CADM2: variants seen among roughly 807,000 people sequenced by gnomAD.
CADM2 encodes cell adhesion molecule 2, also known as immunoglobulin superfamily member 4D.
Under a neutral mutation model 49.8 loss-of-function variants are expected in CADM2, and 12 were observed. The ratio of observed to expected loss-of-function variants is 0.24; its 90% CI spans 0.15 to 0.39. The LOEUF (loss-of-function observed/expected upper bound fraction) is 0.39, where lower values mean the gene tolerates loss of function less well. Among genes scored for constraint, CADM2 ranks in the 10% least tolerant of loss-of-function variants. The pLI, the probability that CADM2 is intolerant of heterozygous loss-of-function variation, is 1.00. For missense variants in CADM2, 378 were observed against 492.3 expected (o/e 0.77, Z 2.20); for synonymous variants, 214 against 175.4 (o/e 1.22, Z -1.74).
intron 1 of CADM2, among the ~76,000 whole-genome samples, chr3:85,084,608 A>T (rs1328242601): frequency 1.3e-5 from 2 of 152,308 alleles, no homozygotes; most frequent in Admixed American, 1.3e-4. Context: ...CACTGATTAC[A>T]TGGTGAAATG....
intron 1 of CADM2, among the ~76,000 whole-genome samples, chr3:85,154,001 GA>G (rs2040017741): frequency 6.6e-6 from 1 of 152,150 alleles, no homozygotes; most frequent in Non-Finnish European, 1.5e-5. Flanking sequence ...AAACAGAGCA[GA>G]AAAACTGGAA....
At chr3:85,911,123 GT>G (rs1717527496) in intron 5 of CADM2, among the ~76,000 whole-genome samples, 1 of 152,050 alleles carries the variant, frequency 6.6e-6, no homozygotes, top group Non-Finnish European at 1.5e-5. Context: ...CAATATCAAT[GT>G]TTATTTGATA....
chr3:85,819,810 ACAAAAC>A, intron 3 of CADM2, among the ~76,000 whole-genome samples: 1 of 152,248 alleles, frequency 6.6e-6, no homozygotes, highest in African/African-American at 2.4e-5. Context: ...TTATCAGAGG[ACAAAAC>A]AGGCAAAACT....
At chr3:85,402,067 T>G (rs1328460945) in intron 1 of CADM2, among the ~76,000 whole-genome samples, 2 of 152,148 alleles carry the variant, frequency 1.3e-5, no homozygotes, top group East Asian at 3.8e-4. Context: ...TATTTCTACA[T>G]TTTTGGATCT....
At chr3:85,790,935 G>A (rs2071285142) in intron 2 of CADM2, among the ~76,000 whole-genome samples, 1 of 152,156 alleles carries the variant, frequency 6.6e-6, no homozygotes, top group South Asian at 2.1e-4. Flanking sequence ...ACAGAAGGTG[G>A]ATACCAGGTG....
rs371007961 is a variant in CADM2, at chr3:85,271,540, G to A, written c.61+311872G>A. Among the ~76,000 whole-genome samples the A allele has an allele frequency of 7.3e-5, 11 of 151,130 alleles. No individual in the cohort carries two copies. The East Asian group carries it at 1.8e-3, about 24-fold the overall frequency. On this transcript the variant is annotated intron_variant, in intron 1 of 9. Coordinates refer to ENST00000383699, the MANE Select transcript of CADM2 (RefSeq NM_001167675.2). ...TATAGAAACAGAATTAGAGACACAC[G>A]GAGCATAAGTGAGTTGCCTAAGGTC...
intron 7 of CADM2, among the ~76,000 whole-genome samples, chr3:85,941,572 T>G (rs568572137): frequency 1.4e-4 from 21 of 152,100 alleles, no homozygotes; most frequent in Admixed American, 8.5e-4. Context: ...AACGAGACAC[T>G]GGAAAATCCT....
intron 1 of CADM2, among the ~76,000 whole-genome samples, chr3:85,477,942 G>A (rs750080703): frequency 6.6e-6 from 1 of 151,690 alleles, no homozygotes; most frequent in Non-Finnish European, 1.5e-5. Flanking sequence ...ACATGTTGTT[G>A]GAAACTCACT....
At chr3:85,320,525 C>A (rs2044572352) in intron 1 of CADM2, among the ~76,000 whole-genome samples, 1 of 152,084 alleles carries the variant, frequency 6.6e-6, no homozygotes, top group Non-Finnish European at 1.5e-5. Flanking sequence ...CCCCTGACAT[C>A]AGTTTGGTTC....
intron 3 of CADM2, among the ~76,000 whole-genome samples, chr3:85,824,353 A>G (rs2073781356): frequency 6.6e-6 from 1 of 152,142 alleles, no homozygotes; most frequent in Admixed American, 6.6e-5. Flanking sequence ...TGGGAGCTTA[A>G]AATGGAAAAC....
chr3:85,031,456 T>C (rs1167378357), intron 1 of CADM2, among the ~76,000 whole-genome samples: 1 of 152,218 alleles, frequency 6.6e-6, no homozygotes, highest in African/African-American at 2.4e-5. Context: ...AACTGTGTTC[T>C]GTGTTCCCCT....
chr3:85,434,585 C>T (rs1441437913), intron 1 of CADM2, among the ~76,000 whole-genome samples: 3 of 151,962 alleles, frequency 2.0e-5, no homozygotes, highest in Non-Finnish European at 4.4e-5. Flanking sequence ...TTATTGACTG[C>T]CCAAATTATA....
In CADM2 at chr3:85,785,194, G is replaced by A. The variant is rs1577307238; in HGVS notation, c.89-16853G>A. Among the ~76,000 whole-genome samples the A allele has an allele frequency of 2.6e-5, 4 of 151,828 alleles. No individual in the cohort carries two copies. The South Asian group carries it at 8.3e-4, about 31-fold the overall frequency. Reference sequence around the variant, plus strand: ...TTCTGTTTTCCTCAATCTGGCTAAAGGTTGGTCAATTTTATCTTTTCAAAA... The same window carrying A: ...TTCTGTTTTCCTCAATCTGGCTAAAAGTTGGTCAATTTTATCTTTTCAAAA... On this transcript the variant is annotated intron_variant, in intron 2 of 9. Transcript: ENST00000383699.
chr3:85,106,045 G>A (rs1214536205), intron 1 of CADM2, among the ~76,000 whole-genome samples: 1 of 151,962 alleles, frequency 6.6e-6, no homozygotes, highest in Non-Finnish European at 1.5e-5. Context: ...GTATACATAT[G>A]TAACAAACCT....
chr3:85,654,689 T>C (rs1315303008), intron 1 of CADM2, among the ~76,000 whole-genome samples: 1 of 152,168 alleles, frequency 6.6e-6, no homozygotes, highest in African/African-American at 2.4e-5. Flanking sequence ...TAAAATTGGA[T>C]AGCCTCTAAT....
chr3:85,653,985 A>G (rs1333997489), intron 1 of CADM2, among the ~76,000 whole-genome samples: 4 of 152,248 alleles, frequency 2.6e-5, no homozygotes, highest in African/African-American at 9.6e-5. Context: ...TAAAATACGG[A>G]CTGTGAATTG....
chr3:85,100,306 G>A (rs1055688129), intron 1 of CADM2, among the ~76,000 whole-genome samples: 1 of 152,018 alleles, frequency 6.6e-6, no homozygotes, highest in South Asian at 2.1e-4. Context: ...ATCGGTTGTG[G>A]GTTGCCAAGT....
intron 1 of CADM2, among the ~76,000 whole-genome samples, chr3:85,664,181 T>A (rs2065493740): frequency 6.6e-6 from 1 of 151,948 alleles, no homozygotes; most frequent in Non-Finnish European, 1.5e-5. Flanking sequence ...CTACTTTCAT[T>A]TTATTGGGTA....
At chr3:85,489,226 T>C (rs944414586) in intron 1 of CADM2, among the ~76,000 whole-genome samples, 2 of 152,182 alleles carry the variant, frequency 1.3e-5, no homozygotes, top group Non-Finnish European at 1.5e-5. Flanking sequence ...TGTGTTTACA[T>C]CAATATGAAA....
Sources: gnomAD v4.1 joint callset for allele counts (sites outside exome capture counted in the v4.1 genomes callset) on GRCh38, gnomAD v4.1.1 for gene constraint, MANE v1.5 for transcripts, NCBI Gene and HGNC (gene_info 2026-07-23, HGNC 2026-07-21) for gene names.